The following CASZ1 variants were observed in gnomAD, a reference collection of about 807,000 sequenced individuals.
CASZ1 encodes zinc finger protein castor homolog 1.
Under a neutral mutation model 135.2 loss-of-function variants are expected in CASZ1, and 28 were observed. The ratio of observed to expected loss-of-function variants is 0.21; its 90% CI spans 0.15 to 0.28. CASZ1 has a LOEUF of 0.28. Ranked by LOEUF, CASZ1 falls within the 10% of genes least tolerant of loss-of-function variation. The probability of loss-of-function intolerance (pLI) is 1.00; values close to 1 mark genes in which losing one functional copy is unlikely to be tolerated. For synonymous variants in CASZ1, 1,068 were observed against 1,073.4 expected, an observed-to-expected ratio of 0.99 and a Z score of 0.10; for missense variants, 2,161 against 2,453.3, an observed-to-expected ratio of 0.88 and a Z score of 2.52.
At chr1:10,673,797 C>G (rs1386038151) in intron 4 of CASZ1, among the ~76,000 whole-genome samples, 1 of 152,162 alleles carries the variant, frequency 6.6e-6, no homozygotes, top group African/African-American at 2.4e-5. Flanking sequence ...CCATGTGGAC[C>G]CTCCGTGGGC....
rs903800619 is a variant in CASZ1 at position 10,699,880 on chromosome 1, A to G, written c.-24+5612T>C. Reference sequence around the variant, plus strand: ...AGTGTGGCCACAAAAACTTTAAAAAAAAGTTTTGGGGTGGAAACGTGGAGT... The same window carrying G: ...AGTGTGGCCACAAAAACTTTAAAAAGAAGTTTTGGGGTGGAAACGTGGAGT... On this transcript the variant is annotated intron_variant, in intron 3 of 20. Transcript: ENST00000377022. This position sits in a 1 kb window ranked among gnomAD's most constrained non-coding sequence, Gnocchi z 4.6. Among the ~76,000 whole-genome samples the G allele has an allele frequency of 6.6e-6, 1 of 152,070 alleles. No homozygotes were observed. The highest frequency in any genetic ancestry group is 1.5e-5 in the Non-Finnish European group (1 of 67,986).
Position 10,701,023 on chromosome 1 carries a change from A to C in CASZ1, c.-24+4469T>G, listed in dbSNP as rs1274077158. On this transcript the variant is annotated intron_variant, in intron 3 of 20. Transcript: ENST00000377022. The surrounding 1 kb of genome is among the most constrained non-coding windows in gnomAD (Gnocchi z 6.3). ...CTCAGCCCGCACACAGTCAGTGCTC[A>C]ATAAGGATTAGCTGTTAATATGGAT... Among the ~76,000 whole-genome samples the C allele has an allele frequency of 1.3e-5, 2 of 152,232 alleles. No homozygotes were observed. The highest frequency in any genetic ancestry group is 3.9e-4 in the East Asian group (2 of 5,194).
Position 10,665,367 on chromosome 1 carries a change from G to A in CASZ1, c.221C>T (p.Ala74Val), listed in dbSNP as rs1570441859. The A allele has an allele frequency of 3.1e-6, 5 of 1,611,596 alleles. No individual in the cohort carries two copies. The highest frequency in any genetic ancestry group is 1.1e-5 in the South Asian group (1 of 90,872). ...GTCTTCCTCGCTGCGGGGGGCCCGG[G>A]CTGCCCCAGACTCAGGGCCACTGCG... ...QERSGPESGA[A>V]RAPRSEEDKR... Residue 74 changes from alanine (A) to valine (V), a missense_variant, in exon 5 of 21, where the codon GCC (alanine) becomes GTC (valine). Physicochemically the swap from Ala to Val is moderately conservative, Grantham distance 64. Around this residue, in one of 7 missense-constraint regions of CASZ1, gnomAD observed 590 missense variants for 609.8 expected, o/e 0.97. Transcript: ENST00000377022.
Position 10,663,285 on chromosome 1 carries a change from C to T in CASZ1, c.505+1798G>A, listed in dbSNP as rs545695548. Among the ~76,000 whole-genome samples, 7 of 152,092 alleles carry T rather than the reference C, an allele frequency of 4.6e-5. No homozygotes were observed. In the East Asian group the frequency reaches 1.2e-3, roughly 25 times the overall value. ...GGCCTGGGGAGGGGAGGACACCTGGCGGGATGTGGAAGGAGAGGCTGTGGG... is the reference window on the plus strand; with the variant it reads ...GGCCTGGGGAGGGGAGGACACCTGGTGGGATGTGGAAGGAGAGGCTGTGGG... On this transcript the variant is annotated intron_variant, in intron 5 of 20. Transcript: ENST00000377022.
At chr1:10,733,347 C>T (rs1452671573) in intron 2 of CASZ1, among the ~76,000 whole-genome samples, 3 of 152,164 alleles carry the variant, frequency 2.0e-5, no homozygotes, top group Non-Finnish European at 4.4e-5. Flanking sequence ...GTGGCATGTC[C>T]GACCAGCTAA....
chr1:10,638,978 GGCGCCCAGGGCCGCCA>G lies in CASZ1; in HGVS notation c.5228_5243del (p.Leu1743ProfsTer95). The G allele has an allele frequency of 1.0e-6, 1 of 980,970 alleles. No individual in the cohort carries two copies. The highest frequency in any genetic ancestry group is 1.2e-6 in the Non-Finnish European group (1 of 828,608). 60.8% of individuals were successfully genotyped at this position (980,970 alleles called of 1,614,324 possible). On this transcript the variant is annotated frameshift_variant, in exon 21 of 21. Coordinates refer to ENST00000377022, the MANE Select transcript of CASZ1 (RefSeq NM_001079843.3). LOFTEE classifies it high-confidence loss of function. The surrounding 1 kb of genome is among the most constrained non-coding windows in gnomAD (Gnocchi z 5.9). The stretch of plus-strand genomic sequence containing the variant: ...AGGCTGCAGTGGGCGCGGGGCCGGG[GGCGCCCAGGGCCGCCA>G]GCGCCGCCAAGGCCGGGGTCCGCGC...
rs530887739 is a variant in CASZ1 at position 10,658,369 on chromosome 1, G to A, written c.1409+139C>T. On this transcript the variant is annotated intron_variant, in intron 7 of 20. Transcript: ENST00000377022. ...GCAGGGCAGCCCTCGGTGCGGTGGA[G>A]GGACCGAAGTGGATGGGGATGGGAG... 1,329 of 681,268 alleles carry A rather than the reference G, an allele frequency of 2.0e-3. 16 individuals are homozygous for A. The highest frequency in any genetic ancestry group is 6.1e-3 in the South Asian group (357 of 58,632). 42.2% of individuals were successfully genotyped at this position (681,268 alleles called of 1,614,324 possible).
chr1:10,667,329 G>C (rs758383496), intron 4 of CASZ1, among the ~76,000 whole-genome samples: 2 of 152,196 alleles, frequency 1.3e-5, no homozygotes, highest in African/African-American at 4.8e-5. Flanking sequence ...CAGGCCCACT[G>C]CCAGAGAAGG....
rs1430304271 is a variant in CASZ1, at chr1:10,676,658, C to T, written c.17-11087G>A. On this transcript the variant is annotated intron_variant, in intron 4 of 20. Coordinates refer to ENST00000377022, the MANE Select transcript of CASZ1 (RefSeq NM_001079843.3). The surrounding 1 kb of genome is among the most constrained non-coding windows in gnomAD (Gnocchi z 4.5). ...GGCCTCCCTCCACCTTGGTGCCTGC[C>T]CTCGACCAGCCTACAGCTCAGAAAC... Among the ~76,000 whole-genome samples the T allele has an allele frequency of 1.3e-5, 2 of 152,164 alleles. No individual in the cohort carries two copies. Among genetic ancestry groups the T allele is most frequent in the Non-Finnish European group, 2.9e-5 (2 of 68,030 alleles).
chr1:10,704,803 C>T (rs978651407), intron 3 of CASZ1, among the ~76,000 whole-genome samples: 1 of 152,238 alleles, frequency 6.6e-6, no homozygotes, highest in Non-Finnish European at 1.5e-5. Flanking sequence ...ACAGCACTGC[C>T]TGGGGCCCGA....
At chr1:10,664,977 T>C in intron 5 of CASZ1, 106 bp downstream of exon 5, 1 of 1,265,276 alleles carries the variant, frequency 7.9e-7, no homozygotes, top group Non-Finnish European at 1.0e-6. Flanking sequence ...GGGCCGGTAT[T>C]TAGAGCAGGA....
intron 2 of CASZ1, among the ~76,000 whole-genome samples, chr1:10,736,124 C>T (rs1639793376): frequency 1.3e-5 from 2 of 152,180 alleles, no homozygotes; most frequent in African/African-American, 4.8e-5. Flanking sequence ...GTACTGGCAG[C>T]ATTTCTGGGC....
chr1:10,643,062 A>G, intron 19 of CASZ1, 62 bp from the exon 20 acceptor site: 1 of 1,595,682 alleles, frequency 6.3e-7, no homozygotes, highest in Admixed American at 1.7e-5. Context: ...CACAGAGGGC[A>G]GGCTGAGGCT....
chr1:10,769,003 T>G (rs1307768373), intron 1 of CASZ1, among the ~76,000 whole-genome samples: 1 of 152,140 alleles, frequency 6.6e-6, no homozygotes, highest in South Asian at 2.1e-4. Context: ...TAGCCGGGTG[T>G]GGTGGCGGCG....
rs1643560261 is a variant in CASZ1, at chr1:10,676,168, A to C, written c.17-10597T>G. Among the ~76,000 whole-genome samples, 3 of 152,132 alleles carry C rather than the reference A, an allele frequency of 2.0e-5. No individual in the cohort carries two copies. Among genetic ancestry groups the C allele is most frequent in the African/African-American group, 7.2e-5 (3 of 41,428 alleles). On this transcript the variant is annotated intron_variant, in intron 4 of 20. Coordinates refer to ENST00000377022, the MANE Select transcript of CASZ1 (RefSeq NM_001079843.3). This position sits in a 1 kb window ranked among gnomAD's most constrained non-coding sequence, Gnocchi z 4.5. ...GCAGGAACCCCTGAGGGTCACACAGAATGTGTGATCTCAGGGTGGTGACAA... is the reference window on the plus strand; with the variant it reads ...GCAGGAACCCCTGAGGGTCACACAGCATGTGTGATCTCAGGGTGGTGACAA...
At chr1:10,730,646 G>A (rs1015975542) in intron 2 of CASZ1, among the ~76,000 whole-genome samples, 4 of 152,110 alleles carry the variant, frequency 2.6e-5, no homozygotes, top group African/African-American at 9.7e-5. Context: ...TCACTTCCAG[G>A]GGAAAAAAAC....
chr1:10,722,287 A>C (rs1465682840), intron 2 of CASZ1, among the ~76,000 whole-genome samples: 4 of 152,348 alleles, frequency 2.6e-5, no homozygotes, highest in Non-Finnish European at 5.9e-5. Context: ...CCAAGGGGGA[A>C]CTGGAGAGGA....
intron 18 of CASZ1, among the ~76,000 whole-genome samples, chr1:10,644,436 T>C (rs1384495852): frequency 6.6e-6 from 1 of 152,126 alleles, no homozygotes; most frequent in Non-Finnish European, 1.5e-5. Flanking sequence ...CCCACCCCTG[T>C]GACAGCACCC....
In CASZ1 at chr1:10,727,606, C is replaced by G. The variant is rs1404587960; in HGVS notation, c.-76-22062G>C. ...CCTAGACTCCAAGAATGAGAAAACC[C>G]CTTTCCCAAGGTGCCAGGAGTTACA... is the stretch of plus-strand genomic sequence containing the variant. On this transcript the variant is annotated intron_variant, in intron 2 of 20. Transcript: ENST00000377022. The surrounding 1 kb of genome is among the most constrained non-coding windows in gnomAD (Gnocchi z 5.3). Among the ~76,000 whole-genome samples the G allele has an allele frequency of 6.6e-6, 1 of 152,142 alleles. No individual in the cohort carries two copies. The highest frequency in any genetic ancestry group is 2.4e-5 in the African/African-American group (1 of 41,424).
Sources: allele counts gnomAD v4.1 joint callset (sites outside exome capture counted in the v4.1 genomes callset), GRCh38; gene constraint gnomAD v4.1.1; regional missense constraint gnomAD v4.1.1; non-coding constraint Gnocchi (gnomAD v3.1); transcripts MANE v1.5; gene names NCBI Gene and HGNC (gene_info 2026-07-23, HGNC 2026-07-21).